Variants in GGCT observed in about 807,000 individuals in gnomAD.
GGCT encodes the protein gamma-glutamylcyclotransferase.
A neutral mutation model predicts 22.1 loss-of-function variants in GGCT; 20 were observed. The observed-to-expected ratio is 0.91, with a 90% confidence interval of 0.64 to 1.32. GGCT has a LOEUF of 1.32. Among genes scored for constraint, GGCT ranks in the 40% most tolerant of loss-of-function variants. GGCT has a pLI of 0.00. For missense variants in GGCT, 209 were observed against 223.5 expected (o/e 0.94, Z 0.41); for synonymous variants, 72 against 78.4 (o/e 0.92, Z 0.43).
chr7:30,504,683 G>A lies in GGCT; in HGVS notation c.27C>T (p.Val9=), dbSNP rs763068941. Residue 9 remains valine (V), a synonymous_variant, in exon 1 of 4, where the codon GTC becomes GTT. Transcript: ENST00000275428. ...GAAAACTCTCCTCATCTGGACCCGT[G>A]ACGTCCTTGCAGCCCGAGTTGGCCA... The part of the protein sequence containing the change: MANSGCKD[V]TGPDEESFLY... 27 of 1,613,962 alleles carry A rather than the reference G, an allele frequency of 1.7e-5. No individual in the cohort carries two copies. In the East Asian group the frequency reaches 6.0e-4, roughly 36 times the overall value.
At chr7:30,499,742 T>C (rs1205370961) in intron 2 of GGCT, among the ~76,000 whole-genome samples, 1 of 151,986 alleles carries the variant, frequency 6.6e-6, no homozygotes, top group East Asian at 1.9e-4. Flanking sequence ...TAGCTTAGCA[T>C]TTCAATTAGA....
rs779826560 is a variant in GGCT at position 30,498,903 on chromosome 7, A to T, written c.323T>A (p.Ile108Lys). The change falls in exon 3 of 4, where the codon ATA becomes AAA. Residue 108 changes from isoleucine (I) to lysine (K), a missense_variant. Transcript: ENST00000275428. ...TTCTTGAGTTGCAACTTTAACTTCT[A>T]TTACAACATACATTCCACTTTTAAC... ...EGVKSGMYVV[I>K]EVKVATQEGK... 4 of 1,613,476 alleles carry T rather than the reference A, an allele frequency of 2.5e-6. No individual in the cohort carries two copies. The highest frequency in any genetic ancestry group is 3.4e-6 in the Non-Finnish European group (4 of 1,179,586).
chr7:30,500,441 G>T, intron 2 of GGCT, 95 bp downstream of exon 2: 1 of 908,688 alleles, frequency 1.1e-6, no homozygotes, highest in Non-Finnish European at 1.8e-6. Flanking sequence ...TCTGTAGTAT[G>T]TGGTTTTGAA....
intron 1 of GGCT, among the ~76,000 whole-genome samples, chr7:30,501,307 T>A (rs909617746): frequency 6.6e-6 from 1 of 152,122 alleles, no homozygotes; most frequent in African/African-American, 2.4e-5. Flanking sequence ...TAAAAGAGTG[T>A]GTTTTGGGGG....
intron 3 of GGCT, chr7:30,497,817 C>A: frequency 6.9e-7 from 1 of 1,454,850 alleles, no homozygotes; most frequent in South Asian, 1.4e-5. Flanking sequence ...ATTTTGGGGT[C>A]TCTATCCCAC....
At chr7:30,498,714 G>T in intron 3 of GGCT, 89 bp downstream of exon 3, 1 of 1,183,238 alleles carries the variant, frequency 8.5e-7, no homozygotes, top group Non-Finnish European at 1.2e-6. Flanking sequence ...CCACCACGTT[G>T]GGCCTAAAGT....
chr7:30,501,855 G>A (rs894973570), intron 1 of GGCT, among the ~76,000 whole-genome samples: 1 of 152,202 alleles, frequency 6.6e-6, no homozygotes, highest in Non-Finnish European at 1.5e-5. Flanking sequence ...GGTGGTTGGA[G>A]TGACCAGTAC....
rs776460145 is a variant in GGCT, at chr7:30,500,545, G to C, written c.278C>G (p.Ser93Cys). 1 of 1,612,420 alleles carries C rather than the reference G, an allele frequency of 6.2e-7. No homozygotes were observed. Among genetic ancestry groups the C allele is most frequent in the South Asian group, 1.1e-5 (1 of 90,860 alleles). ...VWKMNKSNLN[S>C]LDEQEGVKSG... ...ATTAGAAGCCACCTACTCATCCAGA[G>C]AATTTAAATTGCTTTTGTTCATTTT... Residue 93 changes from serine to cysteine, a missense_variant, in exon 2 of 4, where the codon TCT (serine) becomes TGT (cysteine). Physicochemically the swap from Ser to Cys is moderately radical, Grantham distance 112. Transcript: ENST00000275428.
intron 1 of GGCT, 36 bp from the exon 2 acceptor site, chr7:30,500,717 A>C (rs780832840): frequency 6.4e-7 from 1 of 1,572,928 alleles, no homozygotes; most frequent in South Asian, 1.1e-5. Flanking sequence ...ATCAATATCC[A>C]CTTGAATCCA....
rs1259080928 is a variant in GGCT at position 30,500,562 on chromosome 7, G to C, written c.261C>G (p.Asn87Lys). 2 of 1,613,298 alleles carry C rather than the reference G, an allele frequency of 1.2e-6. No individual in the cohort carries two copies. The highest frequency in any genetic ancestry group is 3.3e-4 in the Middle Eastern group (2 of 6,058). Residue 87 changes from asparagine to lysine, a missense_variant, in exon 2 of 4, where the codon AAC becomes AAG. By Grantham distance (94) the Asn-to-Lys change is moderately conservative. Coordinates refer to ENST00000275428, the MANE Select transcript of GGCT (RefSeq NM_024051.4). ...CATCCAGAGAATTTAAATTGCTTTT[G>C]TTCATTTTCCATACTACTCCCCACA... ...DEVWGVVWKM[N>K]KSNLNSLDEQ...
At position 30,504,561 on chromosome 7, in the gene GGCT, G is replaced by A. The variant is rs1279728476; in HGVS notation, c.141+8C>T. 5 of 1,613,090 alleles carry A rather than the reference G, an allele frequency of 3.1e-6. No homozygotes were observed. The highest frequency in any genetic ancestry group is 1.7e-5 in the Admixed American group (1 of 60,030). On this transcript the variant is annotated splice_region_variant and intron_variant, in intron 1 of 3. Transcript: ENST00000275428. Reference sequence around the variant, plus strand: ...CCCGGCGTGGGTAGCGCGGGAGGGGGCACTCACCTGCAGGCGGGCCACACA... The same window carrying A: ...CCCGGCGTGGGTAGCGCGGGAGGGGACACTCACCTGCAGGCGGGCCACACA...
In GGCT at chr7:30,504,777, G is replaced by C. The variant is rs984209244; in HGVS notation, c.-68C>G. The C allele has an allele frequency of 2.0e-6, 3 of 1,510,052 alleles. No homozygotes were observed. Among genetic ancestry groups the C allele is most frequent in the African/African-American group, 2.7e-5 (2 of 73,076 alleles). 93.5% of individuals were successfully genotyped at this position (1,510,052 alleles called of 1,614,324 possible). On this transcript the variant is annotated 5_prime_UTR_variant, in exon 1 of 4. Coordinates refer to ENST00000275428, the MANE Select transcript of GGCT (RefSeq NM_024051.4). Reference sequence around the variant, plus strand: ...GGAACGGCCAGAGAGCGCAACACTGGGGCCCACTACCCCGGCGCAGTGACC... The same window carrying C: ...GGAACGGCCAGAGAGCGCAACACTGCGGCCCACTACCCCGGCGCAGTGACC...
In GGCT at chr7:30,497,124, T is replaced by C. The variant is rs376627657; in HGVS notation, c.535A>G (p.Ile179Val). 1.2e-6 allele frequency: 2 copies of C among 1,604,374 alleles called. No homozygotes were observed. The highest frequency in any genetic ancestry group is 1.7e-6 in the Non-Finnish European group (2 of 1,172,418). ...TGKVSEEIED[I>V]IKKGETQTL ...GTTTGTGTTTCCCCCTTTTTGATGA[T>C]GTCTTCAATTTCTTCTGAGACCTTT... The change falls in exon 4 of 4, where the codon ATC (isoleucine) becomes GTC (valine). Residue 179 changes from isoleucine to valine, a missense_variant. By Grantham distance (29) the Ile-to-Val change is conservative (BLOSUM62 3). Coordinates refer to ENST00000275428, the MANE Select transcript of GGCT (RefSeq NM_024051.4).
In GGCT at chr7:30,502,405, C is replaced by G. The variant is rs541326332; in HGVS notation, c.142-1724G>C. ...TATTCATTTGGCAATTTGCTCAAGA[C>G]ATTCTCATCCCCTCCAATGGCTTCA... On this transcript the variant is annotated intron_variant, in intron 1 of 3. Coordinates refer to ENST00000275428, the MANE Select transcript of GGCT (RefSeq NM_024051.4). Among the ~76,000 whole-genome samples, 5 of 152,324 alleles carry G rather than the reference C, an allele frequency of 3.3e-5. No individual in the cohort carries two copies. The South Asian group carries it at 1.0e-3, about 32-fold the overall frequency.
In GGCT at chr7:30,504,747, T is replaced by A; in HGVS notation, c.-38A>T. ...CCCTGCACTGGAGCCTGAAGCAGAG[T>A]GTAAGGAACGGCCAGAGAGCGCAAC... On this transcript the variant is annotated 5_prime_UTR_variant, in exon 1 of 4. Transcript: ENST00000275428. 1 of 1,607,006 alleles carries A rather than the reference T, an allele frequency of 6.2e-7. No individual in the cohort carries two copies. Among genetic ancestry groups the A allele is most frequent in the South Asian group, 1.1e-5 (1 of 90,926 alleles).
At position 30,504,548 on chromosome 7, in the gene GGCT, AGC is replaced by A; in HGVS notation, c.141+19_141+20del. The A allele has an allele frequency of 4.4e-6, 7 of 1,592,168 alleles. No homozygotes were observed. The highest frequency in any genetic ancestry group is 6.0e-6 in the Non-Finnish European group (7 of 1,161,270). On this transcript the variant is annotated intron_variant, in intron 1 of 3. Transcript: ENST00000275428. The stretch of plus-strand genomic sequence containing the variant: ...TGGGCATCCCGGCCCCGGCGTGGGT[AGC>A]GCGGGAGGGGGCACTCACCTGCAGG...
At position 30,504,730 on chromosome 7, in the gene GGCT, T is replaced by G. The variant is rs73311220; in HGVS notation, c.-21A>C. 25,819 of 1,613,130 alleles carry G rather than the reference T, an allele frequency of 0.016. 693 individuals carry two copies. Among genetic ancestry groups the G allele is most frequent in the African/African-American group, 0.12 (8,778 of 75,018 alleles). The stretch of plus-strand genomic sequence containing the variant: ...GCCATATCCCACTACGCCCCTGCAC[T>G]GGAGCCTGAAGCAGAGTGTAAGGAA... On this transcript the variant is annotated 5_prime_UTR_variant, in exon 1 of 4. Transcript: ENST00000275428.
At chr7:30,499,071 T>C in intron 2 of GGCT, 133 bp from the exon 3 acceptor site, 2 of 831,718 alleles carry the variant, frequency 2.4e-6, no homozygotes, top group East Asian at 2.4e-5. Context: ...ACTTGCTCCC[T>C]ATGTATTTGG....
In GGCT at chr7:30,504,755, A is replaced by T; in HGVS notation, c.-46T>A. ...TGGAGCCTGAAGCAGAGTGTAAGGA[A>T]CGGCCAGAGAGCGCAACACTGGGGC... is the stretch of plus-strand genomic sequence containing the variant. On this transcript the variant is annotated 5_prime_UTR_variant, in exon 1 of 4. Transcript: ENST00000275428. The T allele has an allele frequency of 1.3e-6, 2 of 1,599,070 alleles. No individual in the cohort carries two copies. Among genetic ancestry groups the T allele is most frequent in the South Asian group, 2.2e-5 (2 of 90,716 alleles).
Sources: allele counts gnomAD v4.1 joint callset (sites outside exome capture counted in the v4.1 genomes callset), GRCh38; gene constraint gnomAD v4.1.1; transcripts MANE v1.5; gene names NCBI Gene and HGNC (gene_info 2026-07-23, HGNC 2026-07-21).